TSC22D1: variants seen among roughly 807,000 people sequenced by gnomAD.
The protein encoded by TSC22D1 is TSC22 domain family member 1.
In TSC22D1, 9 loss-of-function variants were observed where a neutral mutation model predicts 74.2. The observed-to-expected ratio is 0.12, with a 90% CI of 0.07 to 0.21. TSC22D1 has a LOEUF of 0.21. TSC22D1 is among the 10% of genes least tolerant of loss of function. The probability of loss-of-function intolerance (pLI) is 1.00; values close to 1 mark genes in which losing one functional copy is unlikely to be tolerated. For missense variants in TSC22D1, 1,427 were observed against 1,304.7 expected (o/e 1.09, Z -1.44); for synonymous variants, 586 against 492.5 (o/e 1.19, Z -2.51).
intron 1 of TSC22D1, among the ~76,000 whole-genome samples, chr13:44,568,092 T>C (rs1883503224): frequency 6.6e-6 from 1 of 151,930 alleles, no homozygotes; most frequent in Non-Finnish European, 1.5e-5. Flanking sequence ...GCACAAAATA[T>C]AAGAGAACAT....
At chr13:44,532,417 A>C (rs572257482) in intron 1 of TSC22D1, among the ~76,000 whole-genome samples, 3 of 152,292 alleles carry the variant, frequency 2.0e-5, no homozygotes, top group African/African-American at 7.2e-5. Context: ...GCACATCTGT[A>C]ATGTGCTGGT....
chr13:44,486,886 A>T (rs1260807426), intron 1 of TSC22D1, among the ~76,000 whole-genome samples: 2 of 152,216 alleles, frequency 1.3e-5, no homozygotes, highest in East Asian at 3.8e-4. Flanking sequence ...TAAGACACTT[A>T]GAATGAAAAA....
chr13:44,441,168 G>C (rs776788003), intron 1 of TSC22D1, among the ~76,000 whole-genome samples: 1 of 152,212 alleles, frequency 6.6e-6, no homozygotes, highest in Non-Finnish European at 1.5e-5. Context: ...ATCTCAGGGG[G>C]ACTGCTGCTG....
intron 1 of TSC22D1, among the ~76,000 whole-genome samples, chr13:44,567,283 A>C (rs1055391733): frequency 9.2e-5 from 14 of 152,208 alleles, no homozygotes; most frequent in Non-Finnish European, 1.5e-4. Context: ...TACAAGAAGA[A>C]ACCGACACTA....
In TSC22D1 at chr13:44,433,991, AAAC is replaced by A. The variant is rs1292214825; in HGVS notation, c.*632_*634del. On this transcript the variant is annotated 3_prime_UTR_variant, in exon 3 of 3. Coordinates refer to ENST00000458659, the MANE Select transcript of TSC22D1 (RefSeq NM_183422.4). The stretch of plus-strand genomic sequence containing the variant: ...TACATACACAAATATACAATAAGCA[AAAC>A]AACCTTCATGGTAAGATAGCCTAGG... The A allele has an allele frequency of 4.8e-5, 74 of 1,534,518 alleles. No individual in the cohort carries two copies. Among genetic ancestry groups the A allele is most frequent in the Non-Finnish European group, 5.9e-5 (68 of 1,146,612 alleles).
At chr13:44,554,388 G>A (rs1000855248) in intron 1 of TSC22D1, among the ~76,000 whole-genome samples, 10 of 152,196 alleles carry the variant, frequency 6.6e-5, no homozygotes, top group African/African-American at 2.4e-4. Flanking sequence ...TAGAAAAACT[G>A]TCATGTATAC....
At chr13:44,456,264 T>G (rs1595091794) in intron 1 of TSC22D1, among the ~76,000 whole-genome samples, 1 of 152,220 alleles carries the variant, frequency 6.6e-6, no homozygotes. Context: ...GGGTTGCTGC[T>G]GCTGGCTGGA....
At chr13:44,554,291 C>A (rs1430164308) in intron 1 of TSC22D1, among the ~76,000 whole-genome samples, 1 of 152,128 alleles carries the variant, frequency 6.6e-6, no homozygotes, top group Non-Finnish European at 1.5e-5. Context: ...AGATGAGATG[C>A]CAGGGCTGAT....
chr13:44,566,803 G>A (rs1199736336), intron 1 of TSC22D1, among the ~76,000 whole-genome samples: 3 of 152,128 alleles, frequency 2.0e-5, no homozygotes, highest in Non-Finnish European at 4.4e-5. Context: ...AAATGACTTA[G>A]CAAACACTAG....
intron 1 of TSC22D1, among the ~76,000 whole-genome samples, chr13:44,523,886 T>G (rs1425968238): frequency 1.3e-5 from 2 of 152,042 alleles, no homozygotes; most frequent in African/African-American, 2.4e-5. Flanking sequence ...GAGAATGAGC[T>G]AATAGAGAAA....
At chr13:44,471,702 C>G (rs1877616155) in intron 1 of TSC22D1, among the ~76,000 whole-genome samples, 1 of 152,186 alleles carries the variant, frequency 6.6e-6, no homozygotes, top group Non-Finnish European at 1.5e-5. Context: ...ACAATAATTA[C>G]TTTTAGAAAA....
chr13:44,517,031 A>G, intron 1 of TSC22D1, among the ~76,000 whole-genome samples: 1 of 152,222 alleles, frequency 6.6e-6, no homozygotes, highest in Non-Finnish European at 1.5e-5. Flanking sequence ...TGCCTGATCC[A>G]TCATGTTCCC....
At chr13:44,496,118 C>T (rs1257132562) in intron 1 of TSC22D1, among the ~76,000 whole-genome samples, 1 of 152,100 alleles carries the variant, frequency 6.6e-6, no homozygotes, top group East Asian at 1.9e-4. Context: ...AACAAAAACA[C>T]AACTCAATTA....
intron 1 of TSC22D1, among the ~76,000 whole-genome samples, chr13:44,543,670 C>T (rs1332499271): frequency 2.0e-5 from 3 of 152,326 alleles, no homozygotes; most frequent in Middle Eastern, 3.4e-3. Flanking sequence ...ATAGGTAACT[C>T]AGTAAATGCT....
intron 1 of TSC22D1, among the ~76,000 whole-genome samples, chr13:44,489,262 G>C (rs1285979515): frequency 6.7e-6 from 1 of 149,796 alleles, no homozygotes; most frequent in East Asian, 1.9e-4. Flanking sequence ...AGGTAAAACT[G>C]TTCCTAGAAG....
chr13:44,565,597 T>C lies in TSC22D1; in HGVS notation c.2912+7566A>G, dbSNP rs528559614. On this transcript the variant is annotated intron_variant, in intron 1 of 2. Coordinates refer to ENST00000458659, the MANE Select transcript of TSC22D1 (RefSeq NM_183422.4). ...TTTCTCTTAATGAGCCAATAAAGCA[T>C]GTTCTTACCATGACATTTTCAACCT... 1.1e-3 allele frequency among the ~76,000 whole-genome samples: 170 copies of C among 152,292 alleles called. 3 individuals are homozygous for C. Among genetic ancestry groups the C allele is most frequent in the African/African-American group, 3.7e-3 (155 of 41,560 alleles).
Position 44,556,371 on chromosome 13 carries a change from C to T in TSC22D1, c.2912+16792G>A, listed in dbSNP as rs575656525. Among the ~76,000 whole-genome samples, 17 of 151,676 alleles carry T rather than the reference C, an allele frequency of 1.1e-4. No individual in the cohort carries two copies. The East Asian group carries it at 2.9e-3, about 26-fold the overall frequency. ...ACCAGCCTGACCAACATGGTGAAACCCCGTCTCTTAAAAAAAATACAAAAA... is the reference window on the plus strand; with the variant it reads ...ACCAGCCTGACCAACATGGTGAAACTCCGTCTCTTAAAAAAAATACAAAAA... On this transcript the variant is annotated intron_variant, in intron 1 of 2. Transcript: ENST00000458659.
intron 1 of TSC22D1, among the ~76,000 whole-genome samples, chr13:44,490,689 G>A (rs146334697): frequency 0.017 from 2,599 of 151,900 alleles, 30 homozygotes; most frequent in Middle Eastern, 0.037. Flanking sequence ...TCTGAGGTCG[G>A]GAGTTCGAGA....
chr13:44,575,822 G>C lies in TSC22D1; in HGVS notation c.253C>G (p.Leu85Val). The C allele has an allele frequency of 1.2e-6, 2 of 1,613,912 alleles. No homozygotes were observed. Among genetic ancestry groups the C allele is most frequent in the South Asian group, 1.1e-5 (1 of 91,058 alleles). Residue 85 changes from leucine to valine, a missense_variant, in exon 1 of 3, where the codon CTG becomes GTG. Physicochemically the swap from Leu to Val is conservative, Grantham distance 32. Around this residue, in one of 3 missense-constraint regions of TSC22D1, gnomAD observed 1,343 missense variants for 1,191.5 expected, o/e 1.13. Coordinates refer to ENST00000458659, the MANE Select transcript of TSC22D1 (RefSeq NM_183422.4). ...AGCTGAGCCTGCGAAAGGAGGTTCA[G>C]GCTTTGTGGAGGCGGAGGCTGTGGT... ...SGPQPPPPQSLNLLSQAQLQA... is the reference protein window; with the variant it reads ...SGPQPPPPQSVNLLSQAQLQA...
Sources: gnomAD v4.1 joint callset for allele counts (sites outside exome capture counted in the v4.1 genomes callset) on GRCh38, gnomAD v4.1.1 for gene constraint, gnomAD v4.1.1 regional missense constraint, MANE v1.5 for transcripts, NCBI Gene and HGNC (gene_info 2026-07-23, HGNC 2026-07-21) for gene names.